Variants in LINGO2 observed in about 807,000 individuals in gnomAD.
LINGO2 encodes the protein leucine-rich repeat and immunoglobulin-like domain-containing nogo receptor-interacting protein 2.
Under a neutral mutation model 30.6 loss-of-function variants are expected in LINGO2, and 14 were observed. The observed-to-expected ratio is 0.46, with a 90% CI of 0.30 to 0.72. The LOEUF (loss-of-function observed/expected upper bound fraction) is 0.72. Among genes scored for constraint, LINGO2 ranks in the 30% least tolerant of loss-of-function variants. LINGO2 has a pLI of 0.07. For synonymous variants in LINGO2, 317 were observed against 288.5 expected (o/e 1.10, Z -1.00); for missense variants, 729 against 751.7 (o/e 0.97, Z 0.35).
the LINGO2 span, among the ~76,000 whole-genome samples, chr9:28,754,860 T>C: frequency 2.6e-5 from 4 of 151,984 alleles, no homozygotes; most frequent in Admixed American, 6.6e-5. Context: ...CTTGATCTCC[T>C]GATCCCATGA....
the LINGO2 span, among the ~76,000 whole-genome samples, chr9:28,833,437 G>A: frequency 1.6e-4 from 24 of 152,286 alleles, no homozygotes; most frequent in East Asian, 4.4e-3. Context: ...TCAAGGCTAA[G>A]TTGTTAACCT....
the LINGO2 span, among the ~76,000 whole-genome samples, chr9:28,698,605 T>C: frequency 1.3e-5 from 2 of 152,072 alleles, no homozygotes; most frequent in Non-Finnish European, 2.9e-5. Flanking sequence ...TACAACATGC[T>C]ATATTGTGTG....
At chr9:29,098,527 T>C in the LINGO2 span, among the ~76,000 whole-genome samples, 3 of 150,948 alleles carry the variant, frequency 2.0e-5, no homozygotes, top group African/African-American at 7.3e-5. Flanking sequence ...AGTAGAGAAG[T>C]AGACAAACTT....
chr9:28,201,464 A>G (rs1185622777), intron 4 of LINGO2, among the ~76,000 whole-genome samples: 4 of 147,828 alleles, frequency 2.7e-5, no homozygotes, highest in African/African-American at 1.0e-4. Context: ...ACATTTTCTT[A>G]ATCCAGTCTA....
chr9:27,954,855 A>G (rs1819490853), intron 5 of LINGO2, among the ~76,000 whole-genome samples: 1 of 152,158 alleles, frequency 6.6e-6, no homozygotes, highest in African/African-American at 2.4e-5. Context: ...GTAGTAGTTC[A>G]CATTTACACC....
intron 4 of LINGO2, among the ~76,000 whole-genome samples, chr9:28,271,444 T>TA (rs57377573): frequency 0.041 from 6,273 of 152,142 alleles, 409 homozygotes; most frequent in African/African-American, 0.14. Flanking sequence ...AATTAAGAAG[T>TA]AAAAAAACTA....
the LINGO2 span, among the ~76,000 whole-genome samples, chr9:29,180,658 C>T: frequency 2.0e-5 from 3 of 152,300 alleles, no homozygotes; most frequent in East Asian, 5.8e-4. Context: ...TTCCCCTACA[C>T]ATACCTTCCC....
intron 4 of LINGO2, among the ~76,000 whole-genome samples, chr9:28,289,054 T>C (rs1213380803): frequency 1.3e-5 from 2 of 152,132 alleles, no homozygotes; most frequent in Non-Finnish European, 2.9e-5. Context: ...GAAAGAAAAA[T>C]TGCTTCTAAG....
the LINGO2 span, among the ~76,000 whole-genome samples, chr9:29,085,281 T>A: frequency 5.2e-5 from 4 of 77,034 alleles, no homozygotes; most frequent in Non-Finnish European, 8.0e-5. Context: ...CTATGGTAAG[T>A]AAAAAAAAAA....
At chr9:28,945,884 C>T in the LINGO2 span, among the ~76,000 whole-genome samples, 4 of 152,014 alleles carry the variant, frequency 2.6e-5, no homozygotes, top group South Asian at 6.2e-4. Flanking sequence ...TTTTTAGGTA[C>T]TTGTTTTAGG....
chr9:28,440,623 C>A (rs1312395634), intron 2 of LINGO2, among the ~76,000 whole-genome samples: 1 of 152,032 alleles, frequency 6.6e-6, no homozygotes, highest in Non-Finnish European at 1.5e-5. Flanking sequence ...CTGAAAACAA[C>A]AAAAGTAATT....
intron 4 of LINGO2, among the ~76,000 whole-genome samples, chr9:28,255,956 C>G (rs1461255540): frequency 6.6e-6 from 1 of 152,062 alleles, no homozygotes; most frequent in Non-Finnish European, 1.5e-5. Flanking sequence ...AAACTACACA[C>G]TCTTAAGGCG....
intron 1 of LINGO2, among the ~76,000 whole-genome samples, chr9:28,516,188 T>C (rs192490242): frequency 2.0e-5 from 3 of 152,370 alleles, no homozygotes; most frequent in Admixed American, 6.5e-5. Context: ...AATAATTTCA[T>C]GTGACTTACT....
At chr9:27,965,184 A>C (rs928473843) in intron 5 of LINGO2, among the ~76,000 whole-genome samples, 2 of 152,082 alleles carry the variant, frequency 1.3e-5, no homozygotes, top group African/African-American at 4.8e-5. Flanking sequence ...AGGGGAAAGA[A>C]ACTTTTCTTG....
At chr9:29,021,872 C>T in the LINGO2 span, among the ~76,000 whole-genome samples, 6 of 152,016 alleles carry the variant, frequency 3.9e-5, no homozygotes, top group Non-Finnish European at 8.8e-5. Context: ...ATATGGATCA[C>T]ATTTCAAATA....
chr9:28,985,537 T>TAA, the LINGO2 span, among the ~76,000 whole-genome samples: 2 of 152,098 alleles, frequency 1.3e-5, no homozygotes, highest in African/African-American at 4.8e-5. Flanking sequence ...TTATCCTTCA[T>TAA]CTTTTTGATA....
chr9:28,106,580 C>T (rs890056956), intron 4 of LINGO2, among the ~76,000 whole-genome samples: 2 of 152,122 alleles, frequency 1.3e-5, no homozygotes, highest in African/African-American at 4.8e-5. Flanking sequence ...AATTCACATA[C>T]ACATTCCAAG....
intron 1 of LINGO2, among the ~76,000 whole-genome samples, chr9:28,550,666 T>C (rs1454845038): frequency 6.6e-6 from 1 of 151,818 alleles, no homozygotes; most frequent in African/African-American, 2.4e-5. Context: ...CTTTGAATAT[T>C]AAAAACACTC....
intron 2 of LINGO2, among the ~76,000 whole-genome samples, chr9:28,436,582 A>G (rs930826660): frequency 1.3e-5 from 2 of 151,836 alleles, no homozygotes; most frequent in Non-Finnish European, 2.9e-5. Context: ...CTCAGCCTCC[A>G]GATTAGCTGG....
Sources: gnomAD v4.1 joint callset for allele counts (sites outside exome capture counted in the v4.1 genomes callset) on GRCh38, gnomAD v4.1.1 for gene constraint, MANE v1.5 for transcripts, NCBI Gene and HGNC (gene_info 2026-07-23, HGNC 2026-07-21) for gene names.